The following GABRG3 variants were observed in gnomAD, a reference collection of about 807,000 sequenced individuals.
The protein encoded by GABRG3 is gamma-aminobutyric acid type A receptor subunit gamma3, also known as gamma-aminobutyric acid receptor subunit gamma-3.
GABRG3 carries 25 observed loss-of-function variants against 48.8 expected under a neutral mutation model. The ratio of observed to expected loss-of-function variants is 0.51; its 90% confidence interval spans 0.37 to 0.72. The LOEUF (loss-of-function observed/expected upper bound fraction) is 0.72. GABRG3 is among the 30% of genes least tolerant of loss of function. The pLI, the probability that GABRG3 is intolerant of heterozygous loss-of-function variation, is 0.00. For missense variants in GABRG3, 394 were observed against 577.9 expected, an observed-to-expected ratio of 0.68 and a Z score of 3.26; for synonymous variants, 227 against 217.6, an observed-to-expected ratio of 1.04 and a Z score of -0.38.
In GABRG3 at chr15:27,300,100, A is replaced by G. The variant is rs997460331; in HGVS notation, c.271-26709A>G. On this transcript the variant is annotated intron_variant, in intron 3 of 9. Coordinates refer to ENST00000615808, the MANE Select transcript of GABRG3 (RefSeq NM_033223.5). ...TTTCAAACTCTTACATACAGCTTCT[A>G]TTGGAACCACAGAACACCATTGAAC... 5.3e-5 allele frequency among the ~76,000 whole-genome samples: 8 copies of G among 152,170 alleles called. No individual in the cohort carries two copies. The South Asian group carries it at 6.2e-4, about 12-fold the overall frequency.
At chr15:27,333,441 C>G (rs1893866831) in intron 5 of GABRG3, among the ~76,000 whole-genome samples, 1 of 152,058 alleles carries the variant, frequency 6.6e-6, no homozygotes, top group Non-Finnish European at 1.5e-5. Flanking sequence ...ATCTTTGGAG[C>G]CAAAAACAGC....
chr15:27,264,863 T>C (rs1176781369), intron 3 of GABRG3, among the ~76,000 whole-genome samples: 1 of 152,110 alleles, frequency 6.6e-6, no homozygotes, highest in Non-Finnish European at 1.5e-5. Flanking sequence ...TTAATATAAC[T>C]GAATCTAACT....
chr15:27,195,524 T>C (rs1888468094), intron 3 of GABRG3, among the ~76,000 whole-genome samples: 1 of 149,656 alleles, frequency 6.7e-6, no homozygotes, highest in African/African-American at 2.5e-5. Context: ...TAGAGACAGG[T>C]TTTCACCATG....
At chr15:27,472,138 G>A (rs1011566588) in intron 5 of GABRG3, among the ~76,000 whole-genome samples, 3 of 152,030 alleles carry the variant, frequency 2.0e-5, no homozygotes, top group East Asian at 1.9e-4. Flanking sequence ...AATAACTTAC[G>A]AACTTCCTCT....
chr15:27,037,402 T>C lies in GABRG3; in HGVS notation c.270+10581T>C, dbSNP rs73367775. Among the ~76,000 whole-genome samples, 545 of 152,322 alleles carry C rather than the reference T, an allele frequency of 3.6e-3. 5 individuals carry two copies. Among genetic ancestry groups the C allele is most frequent in the African/African-American group, 0.012 (513 of 41,562 alleles). On this transcript the variant is annotated intron_variant, in intron 3 of 9. Transcript: ENST00000615808. ...GGGACAGGTTTATTTTCAATAAACC[T>C]GAGAGGGTCGACTGGCTAAGTTAGG... is the stretch of plus-strand genomic sequence containing the variant.
chr15:27,499,536 G>T (rs968990159), intron 6 of GABRG3, among the ~76,000 whole-genome samples: 1 of 152,212 alleles, frequency 6.6e-6, no homozygotes, highest in Non-Finnish European at 1.5e-5. Flanking sequence ...TTGTTTTAAT[G>T]GAAATGTTTA....
At chr15:27,090,019 G>GT (rs1897158029) in intron 3 of GABRG3, among the ~76,000 whole-genome samples, 1 of 152,180 alleles carries the variant, frequency 6.6e-6, no homozygotes, top group South Asian at 2.1e-4. Context: ...CGGTGTACAA[G>GT]TTTTTGTTTG....
At chr15:27,312,897 A>G (rs1893043977) in intron 3 of GABRG3, among the ~76,000 whole-genome samples, 1 of 151,830 alleles carries the variant, frequency 6.6e-6, no homozygotes, top group Admixed American at 6.6e-5. Flanking sequence ...TGGTAGGTAA[A>G]TCACTTTTAA....
chr15:27,111,808 A>C (rs1897554461), intron 3 of GABRG3, among the ~76,000 whole-genome samples: 1 of 152,006 alleles, frequency 6.6e-6, no homozygotes, highest in Non-Finnish European at 1.5e-5. Context: ...GAGCTTCCTA[A>C]GTGTTTCTGT....
At chr15:27,401,356 T>C (rs1462263496) in intron 5 of GABRG3, among the ~76,000 whole-genome samples, 1 of 152,214 alleles carries the variant, frequency 6.6e-6, no homozygotes, top group Admixed American at 6.5e-5. Flanking sequence ...CTATTGGCAT[T>C]ATCAGATTGC....
At chr15:27,296,948 T>C (rs1892013200) in intron 3 of GABRG3, among the ~76,000 whole-genome samples, 1 of 152,034 alleles carries the variant, frequency 6.6e-6, no homozygotes, top group Admixed American at 6.6e-5. Context: ...CCATGTGTGC[T>C]ATTGCCCCTG....
chr15:26,975,123 C>T lies in GABRG3; in HGVS notation c.54-1879C>T, dbSNP rs1317963244. ...AACTCCTGACCTCAGATGACCCACC[C>T]GCCTTGGCTTCCCAAAGTGTTGGGA... On this transcript the variant is annotated intron_variant, in intron 1 of 9. Coordinates refer to ENST00000615808, the MANE Select transcript of GABRG3 (RefSeq NM_033223.5). The surrounding 1 kb of genome is among the most constrained non-coding windows in gnomAD (Gnocchi z 4.6). Among the ~76,000 whole-genome samples, 8 of 152,148 alleles carry T rather than the reference C, an allele frequency of 5.3e-5. No homozygotes were observed. In the East Asian group the frequency reaches 7.7e-4, roughly 15 times the overall value.
intron 3 of GABRG3, among the ~76,000 whole-genome samples, chr15:27,292,461 A>T (rs1335338620): frequency 2.0e-5 from 3 of 152,168 alleles, no homozygotes; most frequent in Non-Finnish European, 2.9e-5. Context: ...CCTTCCCCTA[A>T]TTCAGATATT....
chr15:27,188,055 A>G (rs1888157457), intron 3 of GABRG3, among the ~76,000 whole-genome samples: 1 of 151,880 alleles, frequency 6.6e-6, no homozygotes, highest in Non-Finnish European at 1.5e-5. Context: ...AAGGACCTGA[A>G]CTCATCATTT....
intron 3 of GABRG3, among the ~76,000 whole-genome samples, chr15:27,092,149 A>G (rs1897197107): frequency 6.6e-6 from 1 of 152,126 alleles, no homozygotes; most frequent in African/African-American, 2.4e-5. Flanking sequence ...CTCTACGGGA[A>G]GCACCCTCTG....
chr15:27,096,838 C>CTT (rs34613626), intron 3 of GABRG3, among the ~76,000 whole-genome samples: 13,703 of 125,918 alleles, frequency 0.11, 941 homozygotes, highest in East Asian at 0.26. Flanking sequence ...TTCTTTCTAT[C>CTT]TTTTTTTTTT....
At position 27,331,428 on chromosome 15, in the gene GABRG3, C is replaced by T. The variant is rs896331437; in HGVS notation, c.574+2540C>T. On this transcript the variant is annotated intron_variant, in intron 5 of 9. Transcript: ENST00000615808. ...TCAGCACTACAAAGAAAGGAGCTAC[C>T]GAGCCATAAAGAGACATGTAGGAAA... is the stretch of plus-strand genomic sequence containing the variant. 5.3e-5 allele frequency among the ~76,000 whole-genome samples: 8 copies of T among 151,722 alleles called. No homozygotes were observed. The East Asian group carries it at 9.7e-4, about 18-fold the overall frequency.
At chr15:27,418,690 A>C (rs946778918) in intron 5 of GABRG3, 1 of 152,262 alleles carries the variant, frequency 6.6e-6, no homozygotes, top group South Asian at 2.1e-4. Context: ...GTTGGTAAAC[A>C]TATGAATAAT....
At chr15:27,104,147 T>C (rs1165724774) in intron 3 of GABRG3, among the ~76,000 whole-genome samples, 3 of 152,234 alleles carry the variant, frequency 2.0e-5, no homozygotes, top group Non-Finnish European at 4.4e-5. Flanking sequence ...AGAGAAAATT[T>C]AATGAAATGT....
Sources: gnomAD v4.1 joint callset for allele counts (sites outside exome capture counted in the v4.1 genomes callset) on GRCh38, gnomAD v4.1.1 for gene constraint, Gnocchi (gnomAD v3.1) non-coding constraint, MANE v1.5 for transcripts, NCBI Gene and HGNC (gene_info 2026-07-23, HGNC 2026-07-21) for gene names.